Variants in LLGL2 observed in about 807,000 individuals in gnomAD.
LLGL2 encodes LLGL2, scribble cell polarity complex component.
LLGL2 carries 81 observed loss-of-function variants against 123.2 expected under a neutral mutation model. That is an observed-to-expected ratio of 0.66 (90% CI 0.55 to 0.79). The LOEUF is 0.79. Among genes scored for constraint, LLGL2 ranks in the 30% least tolerant of loss-of-function variants. The pLI is 0.00. For synonymous variants in LLGL2, 577 were observed against 594.1 expected, an observed-to-expected ratio of 0.97 and a Z score of 0.42; for missense variants, 1,273 against 1,414.6, an observed-to-expected ratio of 0.90 and a Z score of 1.61.
chr17:75,542,277 C>A (rs763251593), intron 1 of LLGL2, among the ~76,000 whole-genome samples: 11 of 152,170 alleles, frequency 7.2e-5, no homozygotes, highest in Middle Eastern at 3.4e-3. Flanking sequence ...CCACTTCGGG[C>A]CAGGTGTTCC....
In LLGL2 at chr17:75,568,615, C is replaced by T. The variant is rs747320876; in HGVS notation, c.1176C>T (p.His392=). The T allele has an allele frequency of 1.2e-5, 19 of 1,613,872 alleles. No individual in the cohort carries two copies. Among genetic ancestry groups the T allele is most frequent in the East Asian group, 6.7e-5 (3 of 44,892 alleles). ...LHCSAITCSH[H]VSNIPLKLWE... The stretch of plus-strand genomic sequence containing the variant: ...GTTCCGCCATCACCTGCTCTCACCA[C>T]GTCTCCAACATCCCGCTGAAGCTGT... The change falls in exon 11 of 26, where the codon CAC becomes CAT. Residue 392 remains histidine (H), a synonymous_variant. Transcript: ENST00000392550.
At chr17:75,571,129 A>C (rs1456071044) in intron 17 of LLGL2, 29 bp downstream of exon 17, 76 of 776,732 alleles carry the variant, frequency 9.8e-5, no homozygotes, top group Non-Finnish European at 1.5e-4. Flanking sequence ...GTTGGGGGGC[A>C]GGGGGTAGTG....
At chr17:75,541,514 C>T (rs1298894793) in intron 1 of LLGL2, among the ~76,000 whole-genome samples, 1 of 152,154 alleles carries the variant, frequency 6.6e-6, no homozygotes, top group African/African-American at 2.4e-5. Context: ...AGGAGTTTCC[C>T]GGCCACCTGC....
rs956057921 is a variant in LLGL2, at chr17:75,549,072, C to T, written c.75+5571C>T. On this transcript the variant is annotated intron_variant, in intron 2 of 25. Coordinates refer to ENST00000392550, the MANE Select transcript of LLGL2 (RefSeq NM_001031803.2). This position sits in a 1 kb window ranked among gnomAD's most constrained non-coding sequence, Gnocchi z 4.0. ...CTGGGGTGAGGATGTCCTGGTTTCACCTGTGGTCTGGCTGTGTGGCCTTAG... is the reference window on the plus strand; with the variant it reads ...CTGGGGTGAGGATGTCCTGGTTTCATCTGTGGTCTGGCTGTGTGGCCTTAG... Among the ~76,000 whole-genome samples the T allele has an allele frequency of 6.6e-6, 1 of 152,134 alleles. No individual in the cohort carries two copies. Among genetic ancestry groups the T allele is most frequent in the Admixed American group, 6.5e-5 (1 of 15,276 alleles).
chr17:75,559,167 G>A lies in LLGL2; in HGVS notation c.372-85G>A. On this transcript the variant is annotated intron_variant, in intron 5 of 25. Transcript: ENST00000392550. This position sits in a 1 kb window ranked among gnomAD's most constrained non-coding sequence, Gnocchi z 4.6. ...CCTCATTAAAGGGCCTTATGGGCTT[G>A]TTTTCCGAGGAGTCAGGGGACCCCG... 8.5e-6 allele frequency: 12 copies of A among 1,405,042 alleles called. No individual in the cohort carries two copies. The highest frequency in any genetic ancestry group is 1.1e-5 in the Non-Finnish European group (12 of 1,060,574). 87.0% of individuals were successfully genotyped at this position (1,405,042 alleles called of 1,614,324 possible).
intron 19 of LLGL2, among the ~76,000 whole-genome samples, chr17:75,572,425 A>G (rs1006388725): frequency 6.6e-6 from 1 of 152,082 alleles, no homozygotes; most frequent in Non-Finnish European, 1.5e-5. Flanking sequence ...GCACTTTGGG[A>G]GGCCGAGGCG....
intron 1 of LLGL2, among the ~76,000 whole-genome samples, chr17:75,531,243 G>C (rs919246249): frequency 6.6e-6 from 1 of 152,188 alleles, no homozygotes; most frequent in Admixed American, 6.5e-5. Flanking sequence ...GGAAGACGAA[G>C]TGCTGCCTGG....
At chr17:75,540,263 T>G (rs1185676244) in intron 1 of LLGL2, among the ~76,000 whole-genome samples, 1 of 152,196 alleles carries the variant, frequency 6.6e-6, no homozygotes, top group African/African-American at 2.4e-5. Flanking sequence ...GAGAACCTGC[T>G]TGTCTGGGGT....
In LLGL2 at chr17:75,558,618, G is replaced by A; in HGVS notation, c.362G>A (p.Gly121Glu). ...LQEDESFTLRGPPGAAPSATQ... is the reference protein window; with the variant it reads ...LQEDESFTLREPPGAAPSATQ... ...GAGGATGAGAGCTTCACACTGCGTG[G>A]ACCCCCAGGGTAAGGGCTCAATCCC... Residue 121 changes from glycine to glutamate, a missense_variant, in exon 5 of 26, where the codon GGA (glycine) becomes GAA (glutamate). Coordinates refer to ENST00000392550, the MANE Select transcript of LLGL2 (RefSeq NM_001031803.2). This position sits in a 1 kb window ranked among gnomAD's most constrained non-coding sequence, Gnocchi z 4.0. 6.2e-7 allele frequency: 1 copy of A among 1,602,446 alleles called. No individual in the cohort carries two copies. The highest frequency in any genetic ancestry group is 8.5e-7 in the Non-Finnish European group (1 of 1,174,926).
At position 75,549,573 on chromosome 17, in the gene LLGL2, A is replaced by G. The variant is rs907774007; in HGVS notation, c.75+6072A>G. On this transcript the variant is annotated intron_variant, in intron 2 of 25. Transcript: ENST00000392550. This position sits in a 1 kb window ranked among gnomAD's most constrained non-coding sequence, Gnocchi z 4.0. ...GGCTGGGCCCCTGGTGTCAGGTGACAGCAGCCACACAGGGAGGGCCAGGCT... is the reference window on the plus strand; with the variant it reads ...GGCTGGGCCCCTGGTGTCAGGTGACGGCAGCCACACAGGGAGGGCCAGGCT... Among the ~76,000 whole-genome samples the G allele has an allele frequency of 3.3e-5, 5 of 152,154 alleles. No individual in the cohort carries two copies. The highest frequency in any genetic ancestry group is 5.9e-5 in the Non-Finnish European group (4 of 68,016).
At chr17:75,534,349 G>C (rs186447711) in intron 1 of LLGL2, among the ~76,000 whole-genome samples, 1 of 152,366 alleles carries the variant, frequency 6.6e-6, no homozygotes, top group East Asian at 1.9e-4. Flanking sequence ...GATAGATGGT[G>C]GGGGGAATGG....
intron 1 of LLGL2, among the ~76,000 whole-genome samples, chr17:75,536,563 C>T (rs1254930478): frequency 1.3e-5 from 2 of 152,190 alleles, no homozygotes; most frequent in Non-Finnish European, 2.9e-5. Flanking sequence ...CTGGTGAGCA[C>T]CGGAACATTC....
chr17:75,550,570 AG>A (rs1388375021), intron 2 of LLGL2, among the ~76,000 whole-genome samples: 2 of 152,090 alleles, frequency 1.3e-5, no homozygotes, highest in Non-Finnish European at 2.9e-5. Context: ...GGATCACTTG[AG>A]TCCAGGAGTT....
chr17:75,544,165 C>G lies in LLGL2; in HGVS notation c.75+664C>G, dbSNP rs907836108. ...TCAGGACGGGCCTGTACGCAGGAGG[C>G]GTGCAGTGTGGCTCTTCAGCTCCCG... On this transcript the variant is annotated intron_variant, in intron 2 of 25. Coordinates refer to ENST00000392550, the MANE Select transcript of LLGL2 (RefSeq NM_001031803.2). The surrounding 1 kb of genome is among the most constrained non-coding windows in gnomAD (Gnocchi z 4.2). 6.6e-6 allele frequency among the ~76,000 whole-genome samples: 1 copy of G among 152,198 alleles called. No homozygotes were observed. Among genetic ancestry groups the G allele is most frequent in the Non-Finnish European group, 1.5e-5 (1 of 68,034 alleles).
chr17:75,543,491 AG>A lies in LLGL2; in HGVS notation c.66del (p.Gln22HisfsTer55), dbSNP rs1223170255. On this transcript the variant is annotated frameshift_variant, in exon 2 of 26. Transcript: ENST00000392550. LOFTEE classifies it high-confidence loss of function. ...GAGAGGCTCAAGCGGGACCTGTTCC[AG>A]TTTAACAAGGTAAGTTAGGGAGAGC... ...VRERLKRDLF[Q>X]FNKTVEHGFP... 1 of 1,611,202 alleles carries A rather than the reference AG, an allele frequency of 6.2e-7. No individual in the cohort carries two copies. Among genetic ancestry groups the A allele is most frequent in the East Asian group, 2.2e-5 (1 of 44,694 alleles).
chr17:75,563,439 C>A lies in LLGL2; in HGVS notation c.802C>A (p.Pro268Thr). ...GTCCAGCGAAGCCCAGCAACCAGAGCCCCTCCGCAGCCTCGTGCCTTACGG... is the reference window on the plus strand; with the variant it reads ...GTCCAGCGAAGCCCAGCAACCAGAGACCCTCCGCAGCCTCGTGCCTTACGG... ...PVSSEAQQPE[P>T]LRSLVPYGPF... The change falls in exon 8 of 26, where the codon CCC (proline) becomes ACC (threonine). Residue 268 changes from proline to threonine, a missense_variant. Pro to Thr is a conservative substitution (Grantham distance 38). Coordinates refer to ENST00000392550, the MANE Select transcript of LLGL2 (RefSeq NM_001031803.2). 6 of 1,612,692 alleles carry A rather than the reference C, an allele frequency of 3.7e-6. No homozygotes were observed. Among genetic ancestry groups the A allele is most frequent in the Non-Finnish European group, 5.1e-6 (6 of 1,180,026 alleles).
intron 1 of LLGL2, chr17:75,532,681 T>A (rs2053846017): frequency 6.6e-6 from 1 of 152,260 alleles, no homozygotes; most frequent in South Asian, 2.1e-4. Flanking sequence ...TGCCTCGGCC[T>A]CCCAAAGTGC....
intron 1 of LLGL2, among the ~76,000 whole-genome samples, chr17:75,534,283 G>T (rs1360268225): frequency 6.6e-6 from 1 of 152,250 alleles, no homozygotes; most frequent in Non-Finnish European, 1.5e-5. Context: ...TTCAGGAGGA[G>T]TCTAGGCATG....
At chr17:75,574,117 G>T in intron 22 of LLGL2, 96 bp from the exon 23 acceptor site, 3 of 1,539,092 alleles carry the variant, frequency 1.9e-6, no homozygotes, top group Non-Finnish European at 2.6e-6. Context: ...CCAGCCCTGG[G>T]CCCTGGGCTT....
Sources: gnomAD v4.1 joint callset for allele counts (sites outside exome capture counted in the v4.1 genomes callset) on GRCh38, gnomAD v4.1.1 for gene constraint, Gnocchi (gnomAD v3.1) non-coding constraint, MANE v1.5 for transcripts, NCBI Gene and HGNC (gene_info 2026-07-23, HGNC 2026-07-21) for gene names.